Variants in PRKN observed in about 807,000 individuals in gnomAD.
PRKN encodes parkin RBR E3 ubiquitin protein ligase.
In PRKN, 56 loss-of-function variants were observed where a neutral mutation model predicts 59.5. The ratio of observed to expected loss-of-function variants is 0.94; its 90% CI spans 0.76 to 1.18. PRKN has a LOEUF of 1.18. Among genes scored for constraint, PRKN ranks in the 50% most tolerant of loss-of-function variants. PRKN has a pLI of 0.00. For missense variants in PRKN, 657 were observed against 596.4 expected (o/e 1.10, Z -1.06); for synonymous variants, 250 against 222.1 (o/e 1.13, Z -1.12).
chr6:161,930,888 G>T (rs370275079), intron 6 of PRKN, among the ~76,000 whole-genome samples: 5 of 152,298 alleles, frequency 3.3e-5, no homozygotes, highest in East Asian at 1.9e-4. Context: ...GGGGCCATGG[G>T]CCCAGGAATG....
intron 7 of PRKN, among the ~76,000 whole-genome samples, chr6:161,663,782 C>T (rs1022995229): frequency 1.3e-5 from 2 of 152,146 alleles, no homozygotes; most frequent in African/African-American, 4.8e-5. Context: ...CTTCCCTTGC[C>T]TCCTTCTTTC....
At chr6:162,659,108 T>C (rs995715007) in intron 1 of PRKN, among the ~76,000 whole-genome samples, 1 of 152,208 alleles carries the variant, frequency 6.6e-6, no homozygotes, top group Non-Finnish European at 1.5e-5. Flanking sequence ...ACTTTGATCA[T>C]ATATTATGAA....
chr6:162,201,723 G>T (rs1003273979), intron 3 of PRKN, among the ~76,000 whole-genome samples: 6 of 152,230 alleles, frequency 3.9e-5, no homozygotes, highest in African/African-American at 1.4e-4. Context: ...ATCACAGTTT[G>T]CTGGGCTTCT....
intron 3 of PRKN, among the ~76,000 whole-genome samples, chr6:162,204,224 CAG>C (rs1209038142): frequency 6.6e-6 from 1 of 152,102 alleles, no homozygotes; most frequent in African/African-American, 2.4e-5. Context: ...CAGAAAATGA[CAG>C]TGGTTTGCAA....
At chr6:162,526,195 A>G (rs1186680513) in intron 1 of PRKN, among the ~76,000 whole-genome samples, 2 of 151,160 alleles carry the variant, frequency 1.3e-5, no homozygotes, top group East Asian at 4.0e-4. Context: ...ATGACAAACT[A>G]TCGGAGTCAA....
Position 161,775,901 on chromosome 6 carries a change from T to C in PRKN, c.871+9871A>G, listed in dbSNP as rs74974674. Among the ~76,000 whole-genome samples the C allele has an allele frequency of 1.0e-3, 154 of 152,210 alleles. 2 individuals are homozygous for C. The East Asian group carries it at 0.027, about 27-fold the overall frequency. On this transcript the variant is annotated intron_variant, in intron 7 of 11. Coordinates refer to ENST00000366898, the MANE Select transcript of PRKN (RefSeq NM_004562.3). ...ACGGACTATAGTTGGTGAGCTGAGA[T>C]AATAGATGGAAAGGGAATTGCATTC...
In PRKN at chr6:161,497,420, C is replaced by T. The variant is rs1322321516; in HGVS notation, c.1083+51434G>A. Among the ~76,000 whole-genome samples, 2 of 152,330 alleles carry T rather than the reference C, an allele frequency of 1.3e-5. No homozygotes were observed. The highest frequency in any genetic ancestry group is 1.9e-4 in the East Asian group (1 of 5,180). ...TCCTTTAAAGAAAAAAAAGTTCTTG[C>T]TCCTCTGTCTTGAACTGGGAATAAA... On this transcript the variant is annotated intron_variant, in intron 9 of 11. Transcript: ENST00000366898. The surrounding 1 kb of genome is among the most constrained non-coding windows in gnomAD (Gnocchi z 4.6).
intron 7 of PRKN, among the ~76,000 whole-genome samples, chr6:161,580,746 G>A (rs1447219713): frequency 1.3e-5 from 2 of 151,816 alleles, no homozygotes; most frequent in African/African-American, 2.4e-5. Context: ...CCAAAGTGCT[G>A]CGATTACAGG....
intron 2 of PRKN, among the ~76,000 whole-genome samples, chr6:162,307,036 C>T (rs1782261483): frequency 6.6e-6 from 1 of 152,130 alleles, no homozygotes; most frequent in Admixed American, 6.5e-5. Flanking sequence ...GGGCCAATCC[C>T]CACCCACCTA....
chr6:161,872,848 T>C (rs1414515834), intron 6 of PRKN, among the ~76,000 whole-genome samples: 2 of 152,058 alleles, frequency 1.3e-5, no homozygotes, highest in Admixed American at 6.6e-5. Flanking sequence ...CCTGTCTTCA[T>C]TTTTCATCTC....
intron 9 of PRKN, among the ~76,000 whole-genome samples, chr6:161,542,363 C>T (rs1779646939): frequency 6.6e-6 from 1 of 152,202 alleles, no homozygotes; most frequent in African/African-American, 2.4e-5. Flanking sequence ...CATCAAAGAT[C>T]AGCTGTACCT....
At chr6:162,686,150 A>G (rs1779969250) in intron 1 of PRKN, among the ~76,000 whole-genome samples, 1 of 152,322 alleles carries the variant, frequency 6.6e-6, no homozygotes, top group African/African-American at 2.4e-5. Context: ...ATTTTTCTCT[A>G]AAATATAGGA....
At chr6:162,316,585 A>G (rs1248917837) in intron 2 of PRKN, among the ~76,000 whole-genome samples, 4 of 152,120 alleles carry the variant, frequency 2.6e-5, no homozygotes, top group South Asian at 2.1e-4. Context: ...TAAATAAACC[A>G]AAAGGATTCA....
chr6:161,658,030 A>AAAAAAAAAAAAAAAAAAAAAAAAAAAAG (rs781518268), intron 7 of PRKN, among the ~76,000 whole-genome samples: 1 of 104,878 alleles, frequency 9.5e-6, no homozygotes, highest in Non-Finnish European at 1.9e-5. Flanking sequence ...AAAAAAAAAA[A>AAAAAAAAAAAAAAAAAAAAAAAAAAAAG]AAAAGAAAAG....
intron 4 of PRKN, among the ~76,000 whole-genome samples, chr6:162,200,032 A>C (rs1784655778): frequency 6.6e-6 from 1 of 152,090 alleles, no homozygotes; most frequent in African/African-American, 2.4e-5. Flanking sequence ...ATAGCGTTTG[A>C]CACATCACCC....
At chr6:161,952,648 A>G (rs541911335) in intron 6 of PRKN, among the ~76,000 whole-genome samples, 1 of 152,282 alleles carries the variant, frequency 6.6e-6, no homozygotes, top group South Asian at 2.1e-4. Context: ...CATAAATAAA[A>G]TTACAGTAGT....
At chr6:161,699,554 A>C (rs1388754343) in intron 7 of PRKN, among the ~76,000 whole-genome samples, 1 of 152,196 alleles carries the variant, frequency 6.6e-6, no homozygotes, top group Non-Finnish European at 1.5e-5. Flanking sequence ...ATAATCTATA[A>C]TCTCAATACC....
At chr6:162,560,521 G>A (rs1779790174) in intron 1 of PRKN, among the ~76,000 whole-genome samples, 1 of 151,986 alleles carries the variant, frequency 6.6e-6, no homozygotes, top group South Asian at 2.1e-4. Flanking sequence ...GTGTAAACAT[G>A]GAAAAATCAA....
At position 161,417,055 on chromosome 6, in the gene PRKN, T is replaced by C. The variant is rs1274016157; in HGVS notation, c.1084-30178A>G. On this transcript the variant is annotated intron_variant, in intron 9 of 11. Transcript: ENST00000366898. The surrounding 1 kb of genome is among the most constrained non-coding windows in gnomAD (Gnocchi z 5.4). ...TAGGAGGTGTGGCTATGCTAGCTCATGCTCACCCCTCATTCAAGCTCCAGA... is the reference window on the plus strand; with the variant it reads ...TAGGAGGTGTGGCTATGCTAGCTCACGCTCACCCCTCATTCAAGCTCCAGA... Among the ~76,000 whole-genome samples the C allele has an allele frequency of 2.0e-5, 3 of 152,264 alleles. No homozygotes were observed. Among genetic ancestry groups the C allele is most frequent in the South Asian group, 4.1e-4 (2 of 4,824 alleles).
Sources: gnomAD v4.1 joint callset for allele counts (sites outside exome capture counted in the v4.1 genomes callset) on GRCh38, gnomAD v4.1.1 for gene constraint, Gnocchi (gnomAD v3.1) non-coding constraint, MANE v1.5 for transcripts, NCBI Gene and HGNC (gene_info 2026-07-23, HGNC 2026-07-21) for gene names.